Variants in FAT4 observed in about 807,000 individuals in gnomAD.
FAT4 encodes protocadherin Fat 4.
A neutral mutation model predicts 303.9 loss-of-function variants in FAT4; 84 were observed. The ratio of observed to expected loss-of-function variants is 0.28; its 90% CI spans 0.23 to 0.33. The LOEUF (loss-of-function observed/expected upper bound fraction) is 0.33, where lower values mean the gene tolerates loss of function less well. Among genes scored for constraint, FAT4 ranks in the 10% least tolerant of loss-of-function variants. The pLI is 1.00. For synonymous variants in FAT4, 2,307 were observed against 2,298.8 expected (o/e 1.00, Z -0.10); for missense variants, 6,005 against 6,146.8 (o/e 0.98, Z 0.77).
rs1286598154 is a variant in FAT4, at chr4:125,318,921, G to T, written c.2510G>T (p.Gly837Val). ...CTCATTACTACTGGGGATCAGAAAG[G>T]TATGTTTGCTATCAACCAGGTCACT... ...SYLITTGDQK[G>V]MFAINQVTGQ... Residue 837 changes from glycine to valine, a missense_variant, in exon 2 of 18, where the codon GGT (glycine) becomes GTT (valine). By Grantham distance (109) the Gly-to-Val change is moderately radical. Transcript: ENST00000394329. 4 of 1,614,146 alleles carry T rather than the reference G, an allele frequency of 2.5e-6. No homozygotes were observed. Among genetic ancestry groups the T allele is most frequent in the Non-Finnish European group, 2.5e-6 (3 of 1,180,038 alleles).
At chr4:125,358,226 C>G (rs1348297050) in intron 2 of FAT4, among the ~76,000 whole-genome samples, 1 of 152,054 alleles carries the variant, frequency 6.6e-6, no homozygotes, top group Non-Finnish European at 1.5e-5. Flanking sequence ...CATTTACCAT[C>G]TTCATCAGCG....
At chr4:125,344,264 T>A (rs1431881170) in intron 2 of FAT4, among the ~76,000 whole-genome samples, 2 of 152,182 alleles carry the variant, frequency 1.3e-5, no homozygotes, top group African/African-American at 4.8e-5. Context: ...GTGTATGGAT[T>A]TCCCAACTAC....
intron 2 of FAT4, among the ~76,000 whole-genome samples, chr4:125,331,462 A>C (rs1026395240): frequency 6.6e-6 from 1 of 152,230 alleles, no homozygotes; most frequent in Non-Finnish European, 1.5e-5. Context: ...CCTTCATAAA[A>C]AGATAGTGGC....
At position 125,402,202 on chromosome 4, in the gene FAT4, C is replaced by A. The variant is rs1049795692; in HGVS notation, c.5307+3287C>A. On this transcript the variant is annotated intron_variant, in intron 3 of 17. Transcript: ENST00000394329. ...TAGGAATATTATTATTTATTACAGC[C>A]CATTTGTAGACAGGGCATTTCTAAA... 7.9e-5 allele frequency among the ~76,000 whole-genome samples: 12 copies of A among 151,816 alleles called. No individual in the cohort carries two copies. In the South Asian group the frequency reaches 2.1e-3, roughly 26 times the overall value.
intron 9 of FAT4, 98 bp from the exon 10 acceptor site, chr4:125,448,363 C>T (rs1334396781): frequency 2.7e-6 from 3 of 1,105,084 alleles, no homozygotes; most frequent in East Asian, 2.4e-5. Context: ...AATAAGGTCA[C>T]ATCAAGCAGC....
chr4:125,483,069 T>A (rs902560039), intron 16 of FAT4, among the ~76,000 whole-genome samples: 1 of 152,166 alleles, frequency 6.6e-6, no homozygotes, highest in East Asian at 1.9e-4. Flanking sequence ...CAAAGAGTTA[T>A]CTGGCCCCAA....
chr4:125,352,868 C>A (rs374878621), intron 2 of FAT4, among the ~76,000 whole-genome samples: 1 of 151,750 alleles, frequency 6.6e-6, no homozygotes, highest in African/African-American at 2.4e-5. Context: ...TAAGACTACA[C>A]TGAATTCTAC....
chr4:125,440,610 T>TGTGTGTGTGAGAGAGAGAGAGAGAGAGA (rs372756130), intron 8 of FAT4, among the ~76,000 whole-genome samples: 2 of 75,750 alleles, frequency 2.6e-5, no homozygotes, highest in East Asian at 4.5e-4. Flanking sequence ...TGTGTGTGTG[T>TGTGTGTGTGAGAGAGAGAGAGAGAGAGA]GAGAGAGAGA....
At position 125,317,983 on chromosome 4, in the gene FAT4, T is replaced by C. The variant is rs1560753381; in HGVS notation, c.1572T>C (p.His524=). 3.7e-6 allele frequency: 6 copies of C among 1,614,166 alleles called. No individual in the cohort carries two copies. The highest frequency in any genetic ancestry group is 5.1e-6 in the Non-Finnish European group (6 of 1,180,030). The change falls in exon 2 of 18, where the codon CAT becomes CAC. Residue 524 remains histidine, a synonymous_variant. Transcript: ENST00000394329. This position sits in a 1 kb window ranked among gnomAD's most constrained non-coding sequence, Gnocchi z 7.0. ...IVSGNGLGWF[H]ISEHSGLVTT... ...CTGGCAATGGACTGGGATGGTTCCA[T>C]ATCAGTGAACATAGCGGCCTCGTGA...
chr4:125,421,458 G>A (rs537342022), intron 7 of FAT4, among the ~76,000 whole-genome samples: 19 of 152,154 alleles, frequency 1.2e-4, no homozygotes, highest in African/African-American at 4.3e-4. Flanking sequence ...ATATACTTAC[G>A]CAAGTAATTT....
chr4:125,370,582 T>C (rs1333838231), intron 2 of FAT4, among the ~76,000 whole-genome samples: 1 of 152,056 alleles, frequency 6.6e-6, no homozygotes, highest in African/African-American at 2.4e-5. Flanking sequence ...ATATGAACAG[T>C]CACTAAAAAA....
intron 3 of FAT4, among the ~76,000 whole-genome samples, chr4:125,400,439 C>T (rs1734342813): frequency 6.6e-6 from 1 of 152,006 alleles, no homozygotes; most frequent in African/African-American, 2.4e-5. Flanking sequence ...AATTTTATTT[C>T]CTTCCCAATA....
At chr4:125,332,826 T>C (rs1731436715) in intron 2 of FAT4, among the ~76,000 whole-genome samples, 1 of 152,112 alleles carries the variant, frequency 6.6e-6, no homozygotes. Flanking sequence ...TAAGTGAAGA[T>C]TTTCTAACTA....
Position 125,491,907 on chromosome 4 carries a change from A to G in FAT4, c.*139A>G, listed in dbSNP as rs1727664800. ...TGGAGGGAAAACTTTAAAAATAATA[A>G]CCACAATGCTGCTGAAACAGACTCA... is the stretch of plus-strand genomic sequence containing the variant. On this transcript the variant is annotated 3_prime_UTR_variant, in exon 18 of 18. Coordinates refer to ENST00000394329, the MANE Select transcript of FAT4 (RefSeq NM_001291303.3). 1.3e-6 allele frequency: 1 copy of G among 787,502 alleles called. No individual in the cohort carries two copies. The highest frequency in any genetic ancestry group is 1.7e-5 in the African/African-American group (1 of 57,158). The allele number at this position is 787,502 out of a possible 1,614,324, so 48.8% of individuals were successfully genotyped here. A position where few individuals can be genotyped will look rare whatever the true frequency, so the allele number is the denominator to read the frequency against.
intron 2 of FAT4, among the ~76,000 whole-genome samples, chr4:125,361,044 T>A (rs1056588907): frequency 2.0e-5 from 3 of 150,296 alleles, no homozygotes; most frequent in Non-Finnish European, 4.4e-5. Context: ...CTGATGTGTA[T>A]TGTTTCAAAT....
chr4:125,373,064 T>G (rs2125993029), intron 2 of FAT4, among the ~76,000 whole-genome samples: 1 of 152,206 alleles, frequency 6.6e-6, no homozygotes, highest in East Asian at 1.9e-4. Flanking sequence ...ATTCAGAAAA[T>G]ACACAAAATA....
In FAT4 at chr4:125,490,948, C is replaced by G. The variant is rs376166002; in HGVS notation, c.14132C>G (p.Ser4711Cys). 11 of 1,614,098 alleles carry G rather than the reference C, an allele frequency of 6.8e-6. No homozygotes were observed. Among genetic ancestry groups the G allele is most frequent in the Middle Eastern group, 1.6e-4 (1 of 6,084 alleles). ...CACAGTCCAGCCCCTTTCTCCAAATCTTCTACGTTCTATAGAAACAGCCCA... is the reference window on the plus strand; with the variant it reads ...CACAGTCCAGCCCCTTTCTCCAAATGTTCTACGTTCTATAGAAACAGCCCA... ...SRHSPAPFSK[S>C]STFYRNSPAR... Residue 4711 changes from serine to cysteine, a missense_variant, in exon 18 of 18, where the codon TCT (serine) becomes TGT (cysteine). Physicochemically the swap from Ser to Cys is moderately radical, Grantham distance 112. Transcript: ENST00000394329.
intron 2 of FAT4, among the ~76,000 whole-genome samples, chr4:125,373,677 A>T (rs1733207705): frequency 1.3e-5 from 2 of 152,198 alleles, no homozygotes; most frequent in African/African-American, 4.8e-5. Context: ...TTTAAATTTC[A>T]TAAAAACCCT....
chr4:125,484,471 T>C (rs1201558916), intron 16 of FAT4, among the ~76,000 whole-genome samples: 1 of 152,192 alleles, frequency 6.6e-6, no homozygotes, highest in Non-Finnish European at 1.5e-5. Flanking sequence ...TGTCTGGTTT[T>C]TTTAAGTGGG....
Sources: gnomAD v4.1 joint callset for allele counts (sites outside exome capture counted in the v4.1 genomes callset) on GRCh38, gnomAD v4.1.1 for gene constraint, Gnocchi (gnomAD v3.1) non-coding constraint, MANE v1.5 for transcripts, NCBI Gene and HGNC (gene_info 2026-07-23, HGNC 2026-07-21) for gene names.